COL8A1: variants seen among roughly 807,000 people sequenced by gnomAD.
The protein encoded by COL8A1 is collagen alpha-1(VIII) chain.
COL8A1 carries 21 observed loss-of-function variants against 42.7 expected under a neutral mutation model. The ratio of observed to expected loss-of-function variants is 0.49; its 90% CI spans 0.35 to 0.71. COL8A1 has a LOEUF of 0.71. COL8A1 is among the 30% of genes least tolerant of loss of function. COL8A1 has a pLI of 0.01. For missense variants in COL8A1, 788 were observed against 962.4 expected (o/e 0.82, Z 2.40); for synonymous variants, 367 against 369.1 (o/e 0.99, Z 0.06).
Position 99,776,563 on chromosome 3 carries a change from T to C in COL8A1, c.-3-14117T>C, listed in dbSNP as rs987142407. 8.1e-4 allele frequency among the ~76,000 whole-genome samples: 123 copies of C among 151,874 alleles called. 1 individual carries two copies. Among genetic ancestry groups the C allele is most frequent in the Non-Finnish European group, 5.9e-5 (4 of 67,958 alleles). On this transcript the variant is annotated intron_variant, in intron 2 of 3. Coordinates refer to ENST00000652472, the MANE Select transcript of COL8A1 (RefSeq NM_020351.4). ...AGTTTCACTTTGTAAGCAAAAAAAATTAGGAATAAATGAAAATGTTACCGG... is the reference window on the plus strand; with the variant it reads ...AGTTTCACTTTGTAAGCAAAAAAAACTAGGAATAAATGAAAATGTTACCGG...
intron 1 of COL8A1, among the ~76,000 whole-genome samples, chr3:99,657,623 T>A (rs1344365269): frequency 6.6e-6 from 1 of 152,196 alleles, no homozygotes; most frequent in Admixed American, 6.5e-5. Flanking sequence ...ACTTAACGCA[T>A]CTTAGCTTCA....
chr3:99,716,389 G>A (rs893500627), intron 1 of COL8A1, among the ~76,000 whole-genome samples: 10 of 151,972 alleles, frequency 6.6e-5, no homozygotes, highest in African/African-American at 1.7e-4. Flanking sequence ...AAAAATACTT[G>A]TAAGACAAGC....
At chr3:99,771,387 C>G (rs1470531600) in intron 2 of COL8A1, among the ~76,000 whole-genome samples, 2 of 152,108 alleles carry the variant, frequency 1.3e-5, no homozygotes, top group Non-Finnish European at 2.9e-5. Context: ...CTAATTCTAA[C>G]TAGAAGTTTA....
At chr3:99,724,323 TAGCC>T (rs1406376191) in intron 1 of COL8A1, among the ~76,000 whole-genome samples, 2 of 152,104 alleles carry the variant, frequency 1.3e-5, no homozygotes, top group Non-Finnish European at 2.9e-5. Context: ...AATCTAAGTC[TAGCC>T]TAAAATGCAC....
chr3:99,725,331 T>C (rs1370079718), intron 1 of COL8A1, among the ~76,000 whole-genome samples: 3 of 152,086 alleles, frequency 2.0e-5, no homozygotes, highest in African/African-American at 4.8e-5. Context: ...CTTTTCTTAC[T>C]GTAAAATGTT....
intron 1 of COL8A1, among the ~76,000 whole-genome samples, chr3:99,715,343 A>G (rs968750991): frequency 6.6e-6 from 1 of 152,064 alleles, no homozygotes; most frequent in Non-Finnish European, 1.5e-5. Context: ...AGGTGAATAT[A>G]TTAGGGATTT....
intron 1 of COL8A1, among the ~76,000 whole-genome samples, chr3:99,657,834 A>G (rs993110110): frequency 5.9e-5 from 9 of 152,170 alleles, no homozygotes; most frequent in African/African-American, 1.9e-4. Context: ...ACCCCTGTTT[A>G]AAACCTTTCA....
intron 1 of COL8A1, among the ~76,000 whole-genome samples, chr3:99,670,102 A>G (rs1346311936): frequency 2.0e-5 from 3 of 152,218 alleles, no homozygotes; most frequent in African/African-American, 7.2e-5. Context: ...TGTGAAATAT[A>G]TACATATTCT....
chr3:99,769,675 C>T (rs983416236), intron 2 of COL8A1, among the ~76,000 whole-genome samples: 1 of 152,210 alleles, frequency 6.6e-6, no homozygotes, highest in African/African-American at 2.4e-5. Context: ...AATCCCAGCA[C>T]TTTGGGAGGC....
intron 1 of COL8A1, among the ~76,000 whole-genome samples, chr3:99,662,654 A>G (rs1040064276): frequency 6.6e-6 from 1 of 152,222 alleles, no homozygotes; most frequent in Admixed American, 6.5e-5. Context: ...GACTTGCAAC[A>G]GTTCTGGAGG....
intron 1 of COL8A1, among the ~76,000 whole-genome samples, chr3:99,741,736 C>CA (rs1295605779): frequency 2.6e-5 from 4 of 152,036 alleles, no homozygotes; most frequent in Non-Finnish European, 2.9e-5. Context: ...CTCAGGGCTC[C>CA]AAAAAACAAT....
At chr3:99,739,774 G>T (rs977451844) in intron 1 of COL8A1, among the ~76,000 whole-genome samples, 3 of 152,096 alleles carry the variant, frequency 2.0e-5, no homozygotes, top group Non-Finnish European at 4.4e-5. Flanking sequence ...TGCCATGAAG[G>T]TCTCTGACAT....
At chr3:99,755,475 A>G (rs914216302) in intron 2 of COL8A1, among the ~76,000 whole-genome samples, 2 of 152,212 alleles carry the variant, frequency 1.3e-5, no homozygotes, top group African/African-American at 4.8e-5. Context: ...CAAAAATGCC[A>G]TTCTACCCTT....
chr3:99,663,017 T>C (rs905712378), intron 1 of COL8A1, among the ~76,000 whole-genome samples: 6 of 152,180 alleles, frequency 3.9e-5, no homozygotes, highest in Non-Finnish European at 5.9e-5. Context: ...CTCTGACAAA[T>C]GCAGGTGTAA....
chr3:99,765,006 C>G (rs1409185872), intron 2 of COL8A1, among the ~76,000 whole-genome samples: 1 of 151,922 alleles, frequency 6.6e-6, no homozygotes, highest in Non-Finnish European at 1.5e-5. Flanking sequence ...AGTTGTTAAC[C>G]ATACTTTCTC....
chr3:99,783,675 GGAAGGA>G (rs1344517297), intron 2 of COL8A1, among the ~76,000 whole-genome samples: 4 of 152,214 alleles, frequency 2.6e-5, no homozygotes, highest in African/African-American at 9.6e-5. Flanking sequence ...TAATCATGAT[GGAAGGA>G]GAAGGAGAAG....
Position 99,714,820 on chromosome 3 carries a change from TAA to T in COL8A1, c.-128-30075_-128-30074del, listed in dbSNP as rs201421004. 4.2e-3 allele frequency among the ~76,000 whole-genome samples: 646 copies of T among 152,122 alleles called. 4 individuals carry two copies. Among genetic ancestry groups the T allele is most frequent in the African/African-American group, 0.015 (614 of 41,514 alleles). ...AAAATTTTTCAGATGACGAGTGCCA[TAA>T]AGAATAAACAGAGGTGTGCCATAGA... On this transcript the variant is annotated intron_variant, in intron 1 of 3. Transcript: ENST00000652472.
At chr3:99,726,029 C>T (rs537677628) in intron 1 of COL8A1, among the ~76,000 whole-genome samples, 10 of 152,254 alleles carry the variant, frequency 6.6e-5, no homozygotes, top group African/African-American at 7.2e-5. Flanking sequence ...ACAGTCTCAC[C>T]AGCAATGTAA....
chr3:99,649,780 C>T (rs1461266106), intron 1 of COL8A1, among the ~76,000 whole-genome samples: 2 of 151,986 alleles, frequency 1.3e-5, no homozygotes, highest in Non-Finnish European at 2.9e-5. Context: ...CACTCTTTCT[C>T]TCTCTGTCAC....
Sources: gnomAD v4.1 joint callset for allele counts (sites outside exome capture counted in the v4.1 genomes callset) on GRCh38, gnomAD v4.1.1 for gene constraint, MANE v1.5 for transcripts, NCBI Gene and HGNC (gene_info 2026-07-23, HGNC 2026-07-21) for gene names.